BMPER: variants seen among roughly 807,000 people sequenced by gnomAD.
The protein encoded by BMPER is BMP-binding endothelial regulator protein.
A neutral mutation model predicts 87.3 loss-of-function variants in BMPER; 45 were observed. The ratio of observed to expected loss-of-function variants is 0.52; its 90% CI spans 0.41 to 0.66. BMPER has a LOEUF of 0.66. BMPER is among the 30% of genes least tolerant of loss of function. The pLI is 0.00. For synonymous variants in BMPER, 326 were observed against 316.2 expected, an observed-to-expected ratio of 1.03 and a Z score of -0.33; for missense variants, 784 against 867.5, an observed-to-expected ratio of 0.90 and a Z score of 1.21.
chr7:34,074,275 A>C (rs1788807467), intron 11 of BMPER, among the ~76,000 whole-genome samples: 1 of 151,516 alleles, frequency 6.6e-6, no homozygotes, highest in Non-Finnish European at 1.5e-5. Flanking sequence ...ATTGTTTCCC[A>C]TTTAAGAGGC....
chr7:34,109,946 G>C (rs946311795), intron 13 of BMPER, among the ~76,000 whole-genome samples: 10 of 152,086 alleles, frequency 6.6e-5, no homozygotes, highest in Non-Finnish European at 1.5e-4. Flanking sequence ...TATTCTCCTG[G>C]TTTTTAATGT....
At chr7:33,997,678 T>C (rs886976689) in intron 6 of BMPER, among the ~76,000 whole-genome samples, 2 of 152,162 alleles carry the variant, frequency 1.3e-5, no homozygotes, top group African/African-American at 4.8e-5. Flanking sequence ...AATATACCCT[T>C]GTATACTTTT....
intron 6 of BMPER, among the ~76,000 whole-genome samples, chr7:34,028,265 A>G (rs1040165873): frequency 6.6e-5 from 10 of 152,050 alleles, no homozygotes; most frequent in Non-Finnish European, 1.5e-4. Context: ...ATTTAAAACC[A>G]TTCCATACTT....
intron 11 of BMPER, among the ~76,000 whole-genome samples, chr7:34,064,468 G>A (rs1054371302): frequency 1.3e-5 from 2 of 152,010 alleles, no homozygotes; most frequent in Non-Finnish European, 2.9e-5. Flanking sequence ...ACATCGTAAA[G>A]AAAAAGAAAA....
chr7:34,056,896 G>A (rs928535729), intron 9 of BMPER, among the ~76,000 whole-genome samples: 5 of 152,156 alleles, frequency 3.3e-5, no homozygotes, highest in South Asian at 2.1e-4. Flanking sequence ...GATTACAGGC[G>A]TGAGCCACCG....
At chr7:34,075,116 A>T (rs1486699095) in intron 11 of BMPER, among the ~76,000 whole-genome samples, 1 of 152,180 alleles carries the variant, frequency 6.6e-6, no homozygotes, top group Non-Finnish European at 1.5e-5. Context: ...ATTAGAATAA[A>T]TATATCCATG....
chr7:33,981,489 C>A (rs1562667098), intron 6 of BMPER, among the ~76,000 whole-genome samples: 1 of 152,182 alleles, frequency 6.6e-6, no homozygotes, highest in Non-Finnish European at 1.5e-5. Context: ...TCTTTTATAG[C>A]ACCCCATACT....
intron 6 of BMPER, among the ~76,000 whole-genome samples, chr7:34,035,782 A>G (rs1386363748): frequency 2.0e-5 from 3 of 152,242 alleles, no homozygotes; most frequent in African/African-American, 4.8e-5. Flanking sequence ...GCCCTCTGTG[A>G]ACCTTCAACC....
chr7:34,040,326 A>G (rs574637052), intron 6 of BMPER, among the ~76,000 whole-genome samples: 1 of 152,326 alleles, frequency 6.6e-6, no homozygotes, highest in East Asian at 1.9e-4. Flanking sequence ...GGCAGAGCCT[A>G]TCTTGGACTA....
chr7:34,119,484 T>C (rs1343866466), intron 13 of BMPER, among the ~76,000 whole-genome samples: 1 of 152,236 alleles, frequency 6.6e-6, no homozygotes, highest in East Asian at 1.9e-4. Context: ...TGTTCTCTAC[T>C]GTTGGACCTA....
intron 6 of BMPER, among the ~76,000 whole-genome samples, chr7:34,024,384 AATATATATATATATATATAT>A (rs200214350): frequency 0.041 from 957 of 23,388 alleles, 39 homozygotes; most frequent in African/African-American, 0.099. Context: ...AAAAAAAAAC[AATATATATATATATATATAT>A]ATATATATAT....
At chr7:34,133,948 G>A (rs934100804) in intron 13 of BMPER, among the ~76,000 whole-genome samples, 1 of 152,122 alleles carries the variant, frequency 6.6e-6, no homozygotes, top group Non-Finnish European at 1.5e-5. Flanking sequence ...TCTTGTACTT[G>A]AGATTCTTTT....
upstream of BMPER, chr7:33,905,465 G>A: frequency 2.1e-5 from 2 of 96,746 alleles, no homozygotes; most frequent in Admixed American, 2.0e-4. Context: ...ACACCCCCCC[G>A]CCCCCCAGCT....
chr7:34,049,817 A>C (rs575976738), intron 7 of BMPER, among the ~76,000 whole-genome samples: 1 of 152,374 alleles, frequency 6.6e-6, no homozygotes, highest in Non-Finnish European at 1.5e-5. Flanking sequence ...ACAGAAATAT[A>C]TCTCTGATGG....
intron 3 of BMPER, among the ~76,000 whole-genome samples, chr7:33,944,099 G>A (rs1302359972): frequency 6.6e-6 from 1 of 151,942 alleles, no homozygotes; most frequent in Non-Finnish European, 1.5e-5. Context: ...TGAAGAATGT[G>A]GGGAATGTTT....
Position 34,067,511 on chromosome 7 carries a change from G to A in BMPER, c.1078+5464G>A, listed in dbSNP as rs1029437486. On this transcript the variant is annotated intron_variant, in intron 11 of 14. Transcript: ENST00000649409. ...AGCAAGGTTTCTGGCCTCCAGGGCT[G>A]TAAGCAACTCCAGGTCCCTTAACAC... Among the ~76,000 whole-genome samples the A allele has an allele frequency of 3.9e-5, 6 of 152,200 alleles. No individual in the cohort carries two copies. In the East Asian group the frequency reaches 1.2e-3, roughly 29 times the overall value.
intron 6 of BMPER, among the ~76,000 whole-genome samples, chr7:34,024,383 CAATATATATATATATATATATATA>C (rs1787292987): frequency 9.7e-4 from 7 of 7,248 alleles, no homozygotes; most frequent in African/African-American, 3.7e-3. Context: ...AAAAAAAAAA[CAATATATATATATATATATATATA>C]TATATATATA....
At chr7:34,000,080 A>ACAAACTCAT (rs1786537676) in intron 6 of BMPER, among the ~76,000 whole-genome samples, 1 of 152,226 alleles carries the variant, frequency 6.6e-6, no homozygotes, top group South Asian at 2.1e-4. Flanking sequence ...CTTTTCTCCA[A>ACAAACTCAT]CAAACTCATG....
rs149864499 is a variant in BMPER, at chr7:34,040,995, G to A, written c.577-5311G>A. On this transcript the variant is annotated intron_variant, in intron 6 of 14. Coordinates refer to ENST00000649409, the MANE Select transcript of BMPER (RefSeq NM_001365308.1). ...AAAAGCAGACATAAAGCTACAACCA[G>A]CATCTACCAGGGAAGACACAAGAGA... Among the ~76,000 whole-genome samples the A allele has an allele frequency of 4.3e-3, 657 of 152,294 alleles. 7 individuals are homozygous for A. Among genetic ancestry groups the A allele is most frequent in the African/African-American group, 0.014 (598 of 41,570 alleles).
Sources: gnomAD v4.1 joint callset for allele counts (sites outside exome capture counted in the v4.1 genomes callset) on GRCh38, gnomAD v4.1.1 for gene constraint, MANE v1.5 for transcripts, NCBI Gene and HGNC (gene_info 2026-07-23, HGNC 2026-07-21) for gene names.